SLC22A23: variants seen among roughly 807,000 people sequenced by gnomAD.
SLC22A23 encodes the protein solute carrier family 22 member 23, also known as ion transporter protein.
A neutral mutation model predicts 61.0 loss-of-function variants in SLC22A23; 26 were observed. That is an observed-to-expected ratio of 0.43 (90% confidence interval 0.31 to 0.59). The LOEUF (loss-of-function observed/expected upper bound fraction) is 0.59. Among genes scored for constraint, SLC22A23 ranks in the 20% least tolerant of loss-of-function variants. SLC22A23 has a pLI of 0.11. For missense variants in SLC22A23, 796 were observed against 934.7 expected (o/e 0.85, Z 1.94); for synonymous variants, 430 against 413.9 (o/e 1.04, Z -0.47).
Position 3,441,099 on chromosome 6 carries a change from C to T in SLC22A23, c.654+14807G>A, listed in dbSNP as rs533830731. Among the ~76,000 whole-genome samples the T allele has an allele frequency of 2.0e-5, 3 of 152,258 alleles. No homozygotes were observed. The East Asian group carries it at 5.8e-4, about 29-fold the overall frequency. ...GTGCTTGGCAGGAGCTCAGACATGT[C>T]GAGAGGGAGAGGGCTGTGGCCCCCA... is the stretch of plus-strand genomic sequence containing the variant. On this transcript the variant is annotated intron_variant, in intron 1 of 9. Coordinates refer to ENST00000406686, the MANE Select transcript of SLC22A23 (RefSeq NM_015482.2).
intron 2 of SLC22A23, among the ~76,000 whole-genome samples, chr6:3,412,076 T>C (rs1769296303): frequency 6.6e-6 from 1 of 152,218 alleles, no homozygotes; most frequent in South Asian, 2.1e-4. Flanking sequence ...GGGGGGATGA[T>C]GGGCACAGAT....
At chr6:3,420,856 G>T (rs528218846) in intron 1 of SLC22A23, among the ~76,000 whole-genome samples, 4 of 152,272 alleles carry the variant, frequency 2.6e-5, no homozygotes, top group African/African-American at 9.6e-5. Context: ...TATAATCCCA[G>T]CACTTTTGGA....
At chr6:3,444,076 G>A (rs971817389) in intron 1 of SLC22A23, among the ~76,000 whole-genome samples, 5 of 152,182 alleles carry the variant, frequency 3.3e-5, no homozygotes, top group South Asian at 2.1e-4. Flanking sequence ...ACCGAAGAGA[G>A]GTCTGACAGG....
intron 3 of SLC22A23, among the ~76,000 whole-genome samples, chr6:3,338,105 C>G (rs186887868): frequency 6.6e-6 from 1 of 152,326 alleles, no homozygotes; most frequent in Admixed American, 6.5e-5. Flanking sequence ...CAGTTTCCCC[C>G]ATATATTTAC....
chr6:3,434,678 C>G (rs180963045), intron 1 of SLC22A23, among the ~76,000 whole-genome samples: 8 of 152,004 alleles, frequency 5.3e-5, no homozygotes, highest in Admixed American at 5.2e-4. Context: ...TGATGGATTG[C>G]GAGGAGCATC....
intron 3 of SLC22A23, among the ~76,000 whole-genome samples, chr6:3,335,728 T>C (rs1322099160): frequency 6.6e-6 from 1 of 152,174 alleles, no homozygotes; most frequent in Non-Finnish European, 1.5e-5. Flanking sequence ...TTATTTTTAA[T>C]GGCAAAAACC....
chr6:3,285,928 C>A (rs1759952863), intron 7 of SLC22A23, among the ~76,000 whole-genome samples: 1 of 152,108 alleles, frequency 6.6e-6, no homozygotes, highest in Non-Finnish European at 1.5e-5. Context: ...CCCAGGAGGA[C>A]CGTGCCAGGG....
rs1763144260 is a variant in SLC22A23, at chr6:3,324,213, G to A, written c.914-211C>T. 4 of 595,238 alleles carry A rather than the reference G, an allele frequency of 6.7e-6. No homozygotes were observed. The highest frequency in any genetic ancestry group is 1.2e-5 in the Non-Finnish European group (4 of 337,118). 36.9% of individuals were successfully genotyped at this position (595,238 alleles called of 1,614,324 possible). Reference sequence around the variant, plus strand: ...AAGGGAAGTGAGACGGTTGTTCAAGGCCACAGGGCTAGTCGATGACGAAGG... The same window carrying A: ...AAGGGAAGTGAGACGGTTGTTCAAGACCACAGGGCTAGTCGATGACGAAGG... On this transcript the variant is annotated intron_variant, in intron 3 of 9. Transcript: ENST00000406686. This position sits in a 1 kb window ranked among gnomAD's most constrained non-coding sequence, Gnocchi z 4.3.
At chr6:3,282,870 C>T (rs184038664) in intron 9 of SLC22A23, among the ~76,000 whole-genome samples, 34 of 152,298 alleles carry the variant, frequency 2.2e-4, no homozygotes, top group South Asian at 8.3e-4. Context: ...CCATGAACCA[C>T]GACCCAGGGG....
intron 2 of SLC22A23, among the ~76,000 whole-genome samples, chr6:3,413,498 C>T (rs1459525740): frequency 6.6e-6 from 1 of 152,256 alleles, no homozygotes; most frequent in Non-Finnish European, 1.5e-5. Flanking sequence ...GTAACAAACA[C>T]AGCGAAGAAG....
At chr6:3,282,260 C>G in intron 9 of SLC22A23, 1 of 702,604 alleles carries the variant, frequency 1.4e-6, no homozygotes, top group Non-Finnish European at 2.6e-6. Context: ...TGCGGTCGGC[C>G]TGAGGTATCC....
intron 3 of SLC22A23, among the ~76,000 whole-genome samples, chr6:3,406,013 G>GA (rs34374990): frequency 0.41 from 62,236 of 151,858 alleles, 13,311 homozygotes; most frequent in Non-Finnish European, 0.47. Context: ...ATCTTTGAGA[G>GA]ACTTTTTCAA....
chr6:3,434,053 C>T (rs767392166), intron 1 of SLC22A23, among the ~76,000 whole-genome samples: 2 of 152,092 alleles, frequency 1.3e-5, no homozygotes, highest in Non-Finnish European at 2.9e-5. Flanking sequence ...AGTGGCTCAC[C>T]CCTGTAATCC....
chr6:3,339,313 T>G (rs575783625), intron 3 of SLC22A23, among the ~76,000 whole-genome samples: 1 of 152,328 alleles, frequency 6.6e-6, no homozygotes, highest in African/African-American at 2.4e-5. Flanking sequence ...AAAGACTTTG[T>G]CAAGCTTTGT....
rs1763344604 is a variant in SLC22A23 at position 3,327,379 on chromosome 6, TTTAG to T, written c.914-3381_914-3378del. 6.6e-6 allele frequency among the ~76,000 whole-genome samples: 1 copy of T among 152,200 alleles called. No individual in the cohort carries two copies. Among genetic ancestry groups the T allele is most frequent in the Non-Finnish European group, 1.5e-5 (1 of 68,016 alleles). On this transcript the variant is annotated intron_variant, in intron 3 of 9. Transcript: ENST00000406686. This position sits in a 1 kb window ranked among gnomAD's most constrained non-coding sequence, Gnocchi z 4.1. ...GCCAATGGAACCAAACCCAAATCCT[TTTAG>T]TAGATTTTCATTCATGGGCAGCCAG... is the stretch of plus-strand genomic sequence containing the variant.
Position 3,456,519 on chromosome 6 carries a change from G to T in SLC22A23, c.41C>A (p.Pro14His). ...DRRREAAGGG[P>H]GRQPAPAEEN... ...CTCGGCCGGGGCCGGCTGCCGCCCA[G>T]GCCCGCCGCCCGCCGCCTCGCGCCG... Residue 14 changes from proline (P) to histidine (H), a missense_variant, in exon 1 of 10, where the codon CCT becomes CAT. Physicochemically the swap from Pro to His is moderately conservative, Grantham distance 77. Transcript: ENST00000406686. The surrounding 1 kb of genome is among the most constrained non-coding windows in gnomAD (Gnocchi z 7.1). 1 of 995,574 alleles carries T rather than the reference G, an allele frequency of 1.0e-6. No individual in the cohort carries two copies. Among genetic ancestry groups the T allele is most frequent in the Non-Finnish European group, 1.2e-6 (1 of 838,616 alleles). The allele number at this position is 995,574 out of a possible 1,614,324, so 61.7% of individuals were successfully genotyped here.
intron 3 of SLC22A23, among the ~76,000 whole-genome samples, chr6:3,396,683 A>G (rs1455848378): frequency 3.3e-5 from 5 of 152,228 alleles, no homozygotes; most frequent in Non-Finnish European, 7.3e-5. Flanking sequence ...CCCAGCAGGC[A>G]CCGGCATGCA....
chr6:3,424,573 T>A (rs1271722542), intron 1 of SLC22A23, among the ~76,000 whole-genome samples: 1 of 152,244 alleles, frequency 6.6e-6, no homozygotes, highest in Non-Finnish European at 1.5e-5. Flanking sequence ...AGGAGATCTG[T>A]GCCTCTGAAG....
chr6:3,441,788 G>T (rs1217605567), intron 1 of SLC22A23, among the ~76,000 whole-genome samples: 2 of 152,114 alleles, frequency 1.3e-5, no homozygotes, highest in Non-Finnish European at 2.9e-5. Flanking sequence ...AACCGTCTCC[G>T]GCTACATGAG....
Sources: allele counts gnomAD v4.1 joint callset (sites outside exome capture counted in the v4.1 genomes callset), GRCh38; gene constraint gnomAD v4.1.1; non-coding constraint Gnocchi (gnomAD v3.1); transcripts MANE v1.5; gene names NCBI Gene and HGNC (gene_info 2026-07-23, HGNC 2026-07-21).